KIF6: variants seen among roughly 807,000 people sequenced by gnomAD.
KIF6 encodes the protein kinesin-like protein KIF6.
In KIF6, 106 loss-of-function variants were observed where a neutral mutation model predicts 112.7. The ratio of observed to expected loss-of-function variants is 0.94; its 90% CI spans 0.80 to 1.11. The LOEUF is 1.11. KIF6 is among the 50% of genes least tolerant of loss of function. The pLI is 0.00. For synonymous variants in KIF6, 339 were observed against 339.9 expected (o/e 1.00, Z 0.03); for missense variants, 929 against 964.0 (o/e 0.96, Z 0.48).
chr6:39,718,229 C>CAAAAAAAAAAAAAAAAAAAAAAAAAA (rs35872391), intron 2 of KIF6, among the ~76,000 whole-genome samples: 1 of 58,950 alleles, frequency 1.7e-5, no homozygotes, highest in African/African-American at 6.8e-5. Flanking sequence ...GACTCCATCT[C>CAAAAAAAAAAAAAAAAAAAAAAAAAA]AAAAAAAAAA....
intron 13 of KIF6, among the ~76,000 whole-genome samples, chr6:39,496,000 G>A (rs1236033758): frequency 6.6e-6 from 1 of 152,224 alleles, no homozygotes; most frequent in Non-Finnish European, 1.5e-5. Flanking sequence ...GGCTGCTGTG[G>A]TCTGGAGAAA....
intron 5 of KIF6, among the ~76,000 whole-genome samples, chr6:39,614,143 T>C (rs912874320): frequency 1.4e-4 from 22 of 152,206 alleles, no homozygotes; most frequent in Non-Finnish European, 8.8e-5. Context: ...AAAATTTGGC[T>C]AAACTCCTCA....
intron 16 of KIF6, among the ~76,000 whole-genome samples, chr6:39,365,762 C>T (rs1765510487): frequency 6.6e-6 from 1 of 152,222 alleles, no homozygotes; most frequent in Non-Finnish European, 1.5e-5. Context: ...AGTGAAGCCC[C>T]ACTCTGCGGT....
chr6:39,677,022 A>G (rs889486870), intron 3 of KIF6, among the ~76,000 whole-genome samples: 1 of 152,056 alleles, frequency 6.6e-6, no homozygotes, highest in Non-Finnish European at 1.5e-5. Flanking sequence ...CAAAAAATAT[A>G]TATTTTTATA....
At chr6:39,581,094 T>G (rs1205783823) in intron 9 of KIF6, among the ~76,000 whole-genome samples, 1 of 151,866 alleles carries the variant, frequency 6.6e-6, no homozygotes, top group East Asian at 1.9e-4. Flanking sequence ...ACTCAAAACT[T>G]GAAAGAAAAA....
intron 10 of KIF6, among the ~76,000 whole-genome samples, chr6:39,572,997 T>C (rs1039568584): frequency 2.0e-5 from 3 of 149,322 alleles, no homozygotes; most frequent in African/African-American, 7.4e-5. Flanking sequence ...AACTGCACAA[T>C]TCATACTAGA....
intron 10 of KIF6, among the ~76,000 whole-genome samples, chr6:39,572,430 C>T (rs943974822): frequency 1.3e-5 from 2 of 152,102 alleles, no homozygotes; most frequent in African/African-American, 4.8e-5. Context: ...TGATTAGCGT[C>T]TAGTAGGTGC....
intron 10 of KIF6, among the ~76,000 whole-genome samples, chr6:39,549,227 CAA>C (rs374509138): frequency 2.2e-5 from 3 of 139,356 alleles, no homozygotes; most frequent in Admixed American, 7.2e-5. Flanking sequence ...ATTCCTTGTA[CAA>C]AAAAAAAAAG....
Position 39,468,982 on chromosome 6 carries a change from G to T in KIF6, c.1646-37821C>A, listed in dbSNP as rs11968275. ...CAAAGCTGTCCTGGAGTAATGAAAT[G>T]ACACCAGATTATAACTTGAATACAT... On this transcript the variant is annotated intron_variant, in intron 13 of 22. Coordinates refer to ENST00000287152, the MANE Select transcript of KIF6 (RefSeq NM_145027.6). Among the ~76,000 whole-genome samples the T allele has an allele frequency of 7.2e-4, 109 of 152,158 alleles. No homozygotes were observed. In the Middle Eastern group the frequency reaches 0.01, roughly 14 times the overall value.
intron 3 of KIF6, among the ~76,000 whole-genome samples, chr6:39,665,170 C>G (rs558706278): frequency 6.6e-6 from 1 of 152,048 alleles, no homozygotes; most frequent in Admixed American, 6.6e-5. Flanking sequence ...CAACCTAAGA[C>G]GAAATTGATG....
At chr6:39,705,801 C>T (rs1271596187) in intron 3 of KIF6, among the ~76,000 whole-genome samples, 1 of 152,188 alleles carries the variant, frequency 6.6e-6, no homozygotes, top group East Asian at 1.9e-4. Flanking sequence ...AAATAAGTCC[C>T]AGTTGCTTAC....
At chr6:39,545,065 A>T (rs960970116) in intron 11 of KIF6, among the ~76,000 whole-genome samples, 4 of 152,210 alleles carry the variant, frequency 2.6e-5, no homozygotes, top group African/African-American at 9.6e-5. Context: ...AACATCTGTC[A>T]TCTCCATGAC....
intron 3 of KIF6, among the ~76,000 whole-genome samples, chr6:39,676,711 A>G (rs1028995253): frequency 6.6e-6 from 1 of 152,132 alleles, no homozygotes; most frequent in African/African-American, 2.4e-5. Flanking sequence ...AAAGTCAAGT[A>G]TGTTTAAAAA....
intron 3 of KIF6, among the ~76,000 whole-genome samples, chr6:39,686,329 A>C (rs1297547844): frequency 6.6e-6 from 1 of 152,184 alleles, no homozygotes. Context: ...ATTTTAACAA[A>C]CCTTTGAAAA....
At chr6:39,568,220 C>G (rs966022664) in intron 10 of KIF6, among the ~76,000 whole-genome samples, 3 of 152,134 alleles carry the variant, frequency 2.0e-5, no homozygotes, top group African/African-American at 7.2e-5. Flanking sequence ...GAAAATAACT[C>G]TGTATACAGG....
chr6:39,697,837 C>A (rs758083941), intron 3 of KIF6, among the ~76,000 whole-genome samples: 1 of 152,214 alleles, frequency 6.6e-6, no homozygotes, highest in South Asian at 2.1e-4. Flanking sequence ...CATGAGCCAC[C>A]GTGCCCGGCC....
At chr6:39,674,608 T>C (rs995387468) in intron 3 of KIF6, among the ~76,000 whole-genome samples, 2 of 151,888 alleles carry the variant, frequency 1.3e-5, no homozygotes, top group Admixed American at 1.3e-4. Context: ...AACTGAAATA[T>C]ACAAACAGAG....
rs1446023967 is a variant in KIF6, at chr6:39,639,657, C to G, written c.352G>C (p.Gly118Arg). ...TGGAERYSDR[G>R]IIPRTLSYIF... ...TATGACAGTGTCCTTGGGATAATGC[C>G]TCTGTCACTGTAACGCTCTGCACCC... The change falls in exon 4 of 23, where the codon GGC becomes CGC. Residue 118 changes from glycine (G) to arginine (R), a missense_variant. Gly to Arg is a moderately radical substitution (Grantham distance 125). This residue lies in a region of KIF6 where 688 missense variants were observed against 662.7 expected (regional missense o/e 1.04). Transcript: ENST00000287152. The G allele has an allele frequency of 6.2e-7, 1 of 1,608,702 alleles. No homozygotes were observed. The highest frequency in any genetic ancestry group is 1.7e-5 in the Admixed American group (1 of 58,936).
Position 39,526,372 on chromosome 6 carries a change from A to G in KIF6, c.1645+13631T>C, listed in dbSNP as rs1266078596. On this transcript the variant is annotated intron_variant, in intron 13 of 22. Transcript: ENST00000287152. The stretch of plus-strand genomic sequence containing the variant: ...CTGAATGGAATACTTTTTTGCAGAA[A>G]CCCTCAACTATCCAGTCCCTTTTCT... Among the ~76,000 whole-genome samples the G allele has an allele frequency of 2.0e-5, 3 of 151,994 alleles. No homozygotes were observed. In the East Asian group the frequency reaches 5.8e-4, roughly 29 times the overall value.
Sources: gnomAD v4.1 joint callset for allele counts (sites outside exome capture counted in the v4.1 genomes callset) on GRCh38, gnomAD v4.1.1 for gene constraint, gnomAD v4.1.1 regional missense constraint, MANE v1.5 for transcripts, NCBI Gene and HGNC (gene_info 2026-07-23, HGNC 2026-07-21) for gene names.